USP10: variants seen among roughly 807,000 people sequenced by gnomAD.
USP10 encodes ubiquitin specific peptidase 10, also known as ubiquitin carboxyl-terminal hydrolase 10.
USP10 carries 22 observed loss-of-function variants against 84.5 expected under a neutral mutation model. That is an observed-to-expected ratio of 0.26 (90% CI 0.19 to 0.37). USP10 has a LOEUF of 0.37. Ranked by LOEUF, USP10 falls within the 10% of genes least tolerant of loss-of-function variation. The pLI, the probability that USP10 is intolerant of heterozygous loss-of-function variation, is 1.00. For synonymous variants in USP10, 454 were observed against 387.6 expected, an observed-to-expected ratio of 1.17 and a Z score of -2.01; for missense variants, 1,019 against 998.9, an observed-to-expected ratio of 1.02 and a Z score of -0.27.
At chr16:84,763,265 C>G (rs1238630296) in intron 9 of USP10, among the ~76,000 whole-genome samples, 177 bp downstream of exon 9, 1 of 151,914 alleles carries the variant, frequency 6.6e-6, no homozygotes, top group South Asian at 2.1e-4. Flanking sequence ...TACAGTTTAT[C>G]CCGAACCTCT....
chr16:84,753,554 A>T (rs1186150307), intron 4 of USP10, among the ~76,000 whole-genome samples: 2 of 152,172 alleles, frequency 1.3e-5, no homozygotes, highest in Non-Finnish European at 2.9e-5. Flanking sequence ...TACCTGTTCC[A>T]GGTGCGGAGT....
chr16:84,715,549 ACTT>A (rs1461170082), intron 1 of USP10, among the ~76,000 whole-genome samples: 2 of 152,172 alleles, frequency 1.3e-5, no homozygotes, highest in Admixed American at 1.3e-4. Flanking sequence ...TGACCTTACT[ACTT>A]TATATGAATC....
chr16:84,759,328 C>A, intron 5 of USP10, 35 bp from the exon 6 acceptor site: 1 of 1,588,860 alleles, frequency 6.3e-7, no homozygotes, highest in South Asian at 1.1e-5. Context: ...TGTGTCTGTT[C>A]ATTTCCTTTA....
intron 3 of USP10, among the ~76,000 whole-genome samples, chr16:84,742,834 C>T (rs1910781608): frequency 6.6e-6 from 1 of 152,196 alleles, no homozygotes; most frequent in African/African-American, 2.4e-5. Context: ...CTAATTATAA[C>T]ATACTGAAAT....
intron 1 of USP10, among the ~76,000 whole-genome samples, chr16:84,706,586 G>T (rs977772164): frequency 1.3e-5 from 2 of 150,392 alleles, no homozygotes; most frequent in African/African-American, 2.4e-5. Flanking sequence ...TGTCACCCAG[G>T]CTGGAGTGCA....
rs146559017 is a variant in USP10, at chr16:84,766,771, G to A, written c.1833-1422G>A. ...TCTGAGGGGTCTCTGTGTTGAAATTGGTTGTTGATGTTTCTTTTTGAAAAA... is the reference window on the plus strand; with the variant it reads ...TCTGAGGGGTCTCTGTGTTGAAATTAGTTGTTGATGTTTCTTTTTGAAAAA... On this transcript the variant is annotated intron_variant, in intron 10 of 13. Transcript: ENST00000219473. 1.7e-3 allele frequency among the ~76,000 whole-genome samples: 263 copies of A among 152,310 alleles called. 1 individual carries two copies. Among genetic ancestry groups the A allele is most frequent in the African/African-American group, 5.7e-3 (238 of 41,548 alleles).
At chr16:84,776,420 T>C (rs1915026628) in intron 13 of USP10, among the ~76,000 whole-genome samples, 1 of 146,920 alleles carries the variant, frequency 6.8e-6, no homozygotes, top group Admixed American at 6.6e-5. Flanking sequence ...GACTCTCTTC[T>C]TTTCTCCCCC....
chr16:84,714,342 G>A (rs1296330872), intron 1 of USP10, among the ~76,000 whole-genome samples: 1 of 152,166 alleles, frequency 6.6e-6, no homozygotes, highest in African/African-American at 2.4e-5. Context: ...TAGAGATGGG[G>A]TCTGGCTCTG....
chr16:84,770,418 T>C (rs527500050), intron 11 of USP10, among the ~76,000 whole-genome samples: 46 of 152,138 alleles, frequency 3.0e-4, no homozygotes, highest in African/African-American at 1.0e-3. Flanking sequence ...TTGGGGAAAA[T>C]AGGATTATAT....
At chr16:84,734,506 G>C (rs1274804074) in intron 2 of USP10, among the ~76,000 whole-genome samples, 3 of 152,106 alleles carry the variant, frequency 2.0e-5, no homozygotes, top group Non-Finnish European at 4.4e-5. Context: ...CTGATTTTAG[G>C]ATTAATCTTT....
chr16:84,717,187 G>A (rs983183300), intron 1 of USP10, among the ~76,000 whole-genome samples: 2 of 152,058 alleles, frequency 1.3e-5, no homozygotes, highest in African/African-American at 4.8e-5. Flanking sequence ...TTGGGCTTCG[G>A]GAGCTTCAGA....
Position 84,700,114 on chromosome 16 carries a change from A to G in USP10, c.21+3A>G. Reference sequence around the variant, plus strand: ...CCATGGCCCTCCACAGCCCGCAGGTAGCCGCCGGTCTGCGCCTTCGGCCGG... The same window carrying G: ...CCATGGCCCTCCACAGCCCGCAGGTGGCCGCCGGTCTGCGCCTTCGGCCGG... On this transcript the variant is annotated splice_donor_region_variant and intron_variant, in intron 1 of 13. Transcript: ENST00000219473. 7.4e-7 allele frequency: 1 copy of G among 1,348,686 alleles called. No homozygotes were observed. The highest frequency in any genetic ancestry group is 9.7e-7 in the Non-Finnish European group (1 of 1,028,904). 83.5% of individuals were successfully genotyped at this position (1,348,686 alleles called of 1,614,324 possible).
intron 4 of USP10, among the ~76,000 whole-genome samples, chr16:84,758,476 G>A (rs911034994): frequency 2.6e-5 from 4 of 152,112 alleles, no homozygotes; most frequent in Admixed American, 6.5e-5. Context: ...CCCTAATTCT[G>A]TTCCCCCCAG....
intron 10 of USP10, among the ~76,000 whole-genome samples, chr16:84,765,476 C>G (rs1597391800): frequency 6.9e-6 from 1 of 144,014 alleles, no homozygotes; most frequent in Non-Finnish European, 1.5e-5. Flanking sequence ...GTAGTTTCGT[C>G]TTTTTTTTTT....
intron 12 of USP10, among the ~76,000 whole-genome samples, chr16:84,773,728 A>C (rs1365317770): frequency 6.6e-6 from 1 of 152,196 alleles, no homozygotes; most frequent in Non-Finnish European, 1.5e-5. Flanking sequence ...GCCAGTGAGA[A>C]TCATGTAACA....
chr16:84,763,808 C>G (rs191094673), intron 9 of USP10, among the ~76,000 whole-genome samples: 1 of 148,140 alleles, frequency 6.8e-6, no homozygotes, highest in Admixed American at 6.7e-5. Context: ...GATTGGTTGC[C>G]GTGGATCCAG....
At chr16:84,742,805 A>G (rs1057084611) in intron 3 of USP10, among the ~76,000 whole-genome samples, 15 of 152,202 alleles carry the variant, frequency 9.9e-5, no homozygotes, top group Admixed American at 8.5e-4. Flanking sequence ...CAAACATGGT[A>G]TTGAGTAAAT....
intron 1 of USP10, chr16:84,709,158 C>G (rs755520193): frequency 7.9e-5 from 12 of 152,112 alleles, no homozygotes; most frequent in African/African-American, 1.2e-4. Context: ...GTTTATGGGT[C>G]CATTGAGGAA....
In USP10 at chr16:84,779,781, T is replaced by C. The variant is rs1915374525; in HGVS notation, c.*699T>C. 1 of 152,700 alleles carries C rather than the reference T, an allele frequency of 6.5e-6. No individual in the cohort carries two copies. The highest frequency in any genetic ancestry group is 1.5e-5 in the Non-Finnish European group (1 of 68,066). The allele number at this position is 152,700 out of a possible 1,614,324, so 9.5% of individuals were successfully genotyped here. On this transcript the variant is annotated 3_prime_UTR_variant, in exon 14 of 14. Coordinates refer to ENST00000219473, the MANE Select transcript of USP10 (RefSeq NM_005153.3). ...CACATAATGAAAAATGGGCAAATAA[T>C]GAAGATCTCTCCTTCAGTCTGCTCT... is the stretch of plus-strand genomic sequence containing the variant.
Sources: gnomAD v4.1 joint callset for allele counts (sites outside exome capture counted in the v4.1 genomes callset) on GRCh38, gnomAD v4.1.1 for gene constraint, MANE v1.5 for transcripts, NCBI Gene and HGNC (gene_info 2026-07-23, HGNC 2026-07-21) for gene names.